NCAPG: variants seen among roughly 807,000 people sequenced by gnomAD.
NCAPG encodes condensin complex subunit 3.
In NCAPG, 69 loss-of-function variants were observed where a neutral mutation model predicts 113.1. The ratio of observed to expected loss-of-function variants is 0.61; its 90% CI spans 0.50 to 0.75. The LOEUF (loss-of-function observed/expected upper bound fraction) is 0.75, where lower values mean the gene tolerates loss of function less well. NCAPG is among the 30% of genes least tolerant of loss of function. The probability of loss-of-function intolerance (pLI) is 0.00; values close to 1 mark genes in which losing one functional copy is unlikely to be tolerated. For synonymous variants in NCAPG, 370 were observed against 415.8 expected, an observed-to-expected ratio of 0.89 and a Z score of 1.34; for missense variants, 1,058 against 1,177.0, an observed-to-expected ratio of 0.90 and a Z score of 1.48.
In NCAPG at chr4:17,812,939, C is replaced by T. The variant is rs202056413; in HGVS notation, c.338C>T (p.Ala113Val). The T allele has an allele frequency of 1.2e-6, 2 of 1,613,812 alleles. No homozygotes were observed. The highest frequency in any genetic ancestry group is 1.7e-6 in the Non-Finnish European group (2 of 1,179,834). The change falls in exon 3 of 21, where the codon GCA (alanine) becomes GTA (valine). Residue 113 changes from alanine to valine, a missense_variant. Coordinates refer to ENST00000251496, the MANE Select transcript of NCAPG (RefSeq NM_022346.5). ...TAGTCTCATGAAGCAAACAGCAATG[C>T]AGTGAGATTTAGAGTGTGCCTGCTC... ...LLKSHEANSN[A>V]VRFRVCLLIN... is the part of the protein sequence containing the mutation.
intron 7 of NCAPG, among the ~76,000 whole-genome samples, chr4:17,819,476 A>G (rs1721357743): frequency 1.3e-5 from 2 of 151,330 alleles, no homozygotes; most frequent in South Asian, 2.1e-4. Context: ...ATCTCGGCTC[A>G]CTGCATCCTC....
chr4:17,841,519 G>GAGTAGAAAAAAGTGTAACATGAA (rs1722401341), intron 19 of NCAPG: 1 of 151,848 alleles, frequency 6.6e-6, no homozygotes, highest in Non-Finnish European at 1.5e-5. Context: ...AGCAGGTAAG[G>GAGTAGAAAAAAGTGTAACATGAA]AGTAGAAAAA....
At chr4:17,819,713 T>A (rs893858943) in intron 7 of NCAPG, among the ~76,000 whole-genome samples, 4 of 152,208 alleles carry the variant, frequency 2.6e-5, no homozygotes, top group Non-Finnish European at 4.4e-5. Flanking sequence ...TGTATTTTTT[T>A]AAAAAAGCTT....
rs1441370529 is a variant in NCAPG, at chr4:17,825,008, C to T, written c.1424C>T (p.Thr475Ile). The change falls in exon 10 of 21, where the codon ACT becomes ATT. Residue 475 changes from threonine to isoleucine, a missense_variant. Physicochemically the swap from Thr to Ile is moderately conservative, Grantham distance 89. Transcript: ENST00000251496. ...TCAGAGATTCGGGCGCCCATTGTTA[C>T]TGTTGGTGTTAATAACGATCCAGCT... is the stretch of plus-strand genomic sequence containing the variant. ...IISEIRAPIV[T>I]VGVNNDPADV... The T allele has an allele frequency of 3.1e-6, 5 of 1,612,754 alleles. No homozygotes were observed. The highest frequency in any genetic ancestry group is 3.3e-5 in the Admixed American group (2 of 59,870).
intron 16 of NCAPG, 47 bp downstream of exon 16, chr4:17,837,848 A>C: frequency 1.2e-6 from 2 of 1,601,434 alleles, no homozygotes; most frequent in Non-Finnish European, 8.5e-7. Context: ...TTGGTAAAAT[A>C]ATCTCTCTCA....
chr4:17,818,230 G>A, intron 7 of NCAPG, 142 bp downstream of exon 7: 2 of 748,816 alleles, frequency 2.7e-6, no homozygotes, highest in South Asian at 4.7e-5. Context: ...TATATACATC[G>A]AGTCTTTTTG....
In NCAPG at chr4:17,817,393, C is replaced by A. The variant is rs764578329; in HGVS notation, c.908C>A (p.Ala303Asp). The A allele has an allele frequency of 4.3e-6, 7 of 1,614,062 alleles. No individual in the cohort carries two copies. The highest frequency in any genetic ancestry group is 1.7e-5 in the Admixed American group (1 of 60,026). ...SSEVAVSVLNALFSITPLSEL... is the reference protein window; with the variant it reads ...SSEVAVSVLNDLFSITPLSEL... ...GAAGTGGCAGTCTCTGTTCTCAATG[C>A]CTTGTTTTCAATAACTCCTCTCAGT... Residue 303 changes from alanine (A) to aspartate (D), a missense_variant, in exon 6 of 21, where the codon GCC (alanine) becomes GAC (aspartate). By Grantham distance (126) the Ala-to-Asp change is moderately radical (BLOSUM62 -2). Transcript: ENST00000251496.
At chr4:17,820,712 A>G (rs762024313) in intron 7 of NCAPG, among the ~76,000 whole-genome samples, 17 of 152,218 alleles carry the variant, frequency 1.1e-4, no homozygotes, top group Non-Finnish European at 2.2e-4. Context: ...AGATGGGATT[A>G]GTATACTTGA....
intron 11 of NCAPG, among the ~76,000 whole-genome samples, chr4:17,826,943 CTAT>C (rs1721678999): frequency 6.6e-6 from 1 of 152,184 alleles, no homozygotes; most frequent in Admixed American, 6.5e-5. Context: ...GAGGTTGGTA[CTAT>C]TATTATCTTC....
In NCAPG at chr4:17,843,484, A is replaced by G; in HGVS notation, c.*59A>G. ...TGTCCAGTTATTTGCTTTAATAAAG[A>G]AGAAGTTACCCTTGTCAAAATCAGA... On this transcript the variant is annotated 3_prime_UTR_variant, in exon 21 of 21. Coordinates refer to ENST00000251496, the MANE Select transcript of NCAPG (RefSeq NM_022346.5). 6.3e-7 allele frequency: 1 copy of G among 1,575,008 alleles called. No individual in the cohort carries two copies. Among genetic ancestry groups the G allele is most frequent in the Non-Finnish European group, 8.7e-7 (1 of 1,154,602 alleles).
chr4:17,811,175 G>A lies in NCAPG; in HGVS notation c.98G>A (p.Arg33His), dbSNP rs1024810912. Residue 33 changes from arginine to histidine, a missense_variant, in exon 1 of 21, where the codon CGC (arginine) becomes CAC (histidine). Arg to His is a conservative substitution (Grantham distance 29). Transcript: ENST00000251496. This position sits in a 1 kb window ranked among gnomAD's most constrained non-coding sequence, Gnocchi z 5.3. The stretch of plus-strand genomic sequence containing the variant: ...GCGAAGCTGGTGGTGGCGCTGAGCC[G>A]CACCTACCGCACGGTAAGCGCTCCC... ...NQAKLVVALS[R>H]TYRTMDDKTV... The A allele has an allele frequency of 6.7e-7, 1 of 1,485,168 alleles. No individual in the cohort carries two copies. The highest frequency in any genetic ancestry group is 9.0e-7 in the Non-Finnish European group (1 of 1,112,670). The allele number at this position is 1,485,168 out of a possible 1,614,324, so 92.0% of individuals were successfully genotyped here.
At chr4:17,840,769 G>C in intron 19 of NCAPG, 76 bp downstream of exon 19, 1 of 943,524 alleles carries the variant, frequency 1.1e-6, no homozygotes, top group Non-Finnish European at 1.5e-6. Flanking sequence ...TGTTTTGCAA[G>C]TTTTCTTATC....
Position 17,811,377 on chromosome 4 carries a change from A to G in NCAPG, c.111+189A>G, listed in dbSNP as rs1720934699. 6.6e-6 allele frequency among the ~76,000 whole-genome samples: 1 copy of G among 152,108 alleles called. No individual in the cohort carries two copies. Among genetic ancestry groups the G allele is most frequent in the Non-Finnish European group, 1.5e-5 (1 of 68,008 alleles). The stretch of plus-strand genomic sequence containing the variant: ...CGAGGTCGCCTGGGCCCAGGCCAGA[A>G]AGCCTCCGAAGCCTGGGCGTCGTTC... On this transcript the variant is annotated intron_variant, in intron 1 of 20. Coordinates refer to ENST00000251496, the MANE Select transcript of NCAPG (RefSeq NM_022346.5). This position sits in a 1 kb window ranked among gnomAD's most constrained non-coding sequence, Gnocchi z 5.3.
rs1194600099 is a variant in NCAPG, at chr4:17,840,223, G to C, written c.2767+14G>C. On this transcript the variant is annotated intron_variant, in intron 18 of 20. Coordinates refer to ENST00000251496, the MANE Select transcript of NCAPG (RefSeq NM_022346.5). The stretch of plus-strand genomic sequence containing the variant: ...AAAATGAAGATGGTAATCACATACT[G>C]AACAGAATATTTATAAGGTTCTGTT... The C allele has an allele frequency of 1.2e-5, 18 of 1,555,740 alleles. No homozygotes were observed. The South Asian group carries it at 2.0e-4, about 17-fold the overall frequency.
chr4:17,820,274 T>G (rs2109048346), intron 7 of NCAPG, among the ~76,000 whole-genome samples: 1 of 152,258 alleles, frequency 6.6e-6, no homozygotes, highest in Middle Eastern at 3.4e-3. Flanking sequence ...TAAGTAACTT[T>G]AACCTCTTCG....
chr4:17,838,110 A>C (rs574734941), intron 16 of NCAPG, among the ~76,000 whole-genome samples: 2 of 152,192 alleles, frequency 1.3e-5, no homozygotes, highest in Non-Finnish European at 1.5e-5. Flanking sequence ...CAGAGTCTTC[A>C]AATGTTGGCT....
chr4:17,820,838 C>T (rs1441218957), intron 7 of NCAPG, among the ~76,000 whole-genome samples: 1 of 152,104 alleles, frequency 6.6e-6, no homozygotes, highest in East Asian at 1.9e-4. Flanking sequence ...TGATGTGAAA[C>T]AATTTTGGTT....
chr4:17,839,566 ATTTGGGATTATGGC>A, intron 16 of NCAPG, 96 bp from the exon 17 acceptor site: 1 of 785,214 alleles, frequency 1.3e-6, no homozygotes. Flanking sequence ...GACATTTTAT[ATTTGGGATTATGGC>A]AAGAAAATTA....
chr4:17,817,061 C>T (rs1721238294), intron 5 of NCAPG, among the ~76,000 whole-genome samples, 200 bp from the exon 6 acceptor site: 1 of 152,132 alleles, frequency 6.6e-6, no homozygotes, highest in African/African-American at 2.4e-5. Flanking sequence ...TGCAGTGAAC[C>T]AAGATCGTGC....
Sources: allele counts gnomAD v4.1 joint callset (sites outside exome capture counted in the v4.1 genomes callset), GRCh38; gene constraint gnomAD v4.1.1; non-coding constraint Gnocchi (gnomAD v3.1); transcripts MANE v1.5; gene names NCBI Gene and HGNC (gene_info 2026-07-23, HGNC 2026-07-21).